Variants in PARD3 observed in about 807,000 individuals in gnomAD.
PARD3 encodes the protein par-3 family cell polarity regulator, also known as partitioning defective 3 homolog.
A neutral mutation model predicts 155.4 loss-of-function variants in PARD3; 75 were observed. The observed-to-expected ratio is 0.48, with a 90% confidence interval of 0.40 to 0.58. The LOEUF is 0.58. Among genes scored for constraint, PARD3 ranks in the 20% least tolerant of loss-of-function variants. PARD3 has a pLI of 0.00. For synonymous variants in PARD3, 576 were observed against 610.5 expected (o/e 0.94, Z 0.83); for missense variants, 1,642 against 1,721.7 (o/e 0.95, Z 0.82).
At chr10:34,243,339 T>C (rs557800005) in intron 22 of PARD3, among the ~76,000 whole-genome samples, 2 of 152,338 alleles carry the variant, frequency 1.3e-5, no homozygotes, top group South Asian at 4.1e-4. Flanking sequence ...ATATATTAAG[T>C]ACATTGCCCA....
chr10:34,652,841 C>A (rs1015355973), intron 2 of PARD3, among the ~76,000 whole-genome samples: 2 of 152,152 alleles, frequency 1.3e-5, no homozygotes, highest in African/African-American at 4.8e-5. Flanking sequence ...AAGGAGCTTA[C>A]ATATAAAGTT....
At chr10:34,306,918 G>A (rs1002733836) in intron 20 of PARD3, among the ~76,000 whole-genome samples, 8 of 151,370 alleles carry the variant, frequency 5.3e-5, no homozygotes, top group Admixed American at 4.6e-4. Flanking sequence ...ACGGAGTCTC[G>A]TTCTGTCCCC....
chr10:34,661,446 T>A (rs2093323974), intron 2 of PARD3, among the ~76,000 whole-genome samples: 1 of 152,130 alleles, frequency 6.6e-6, no homozygotes, highest in African/African-American at 2.4e-5. Context: ...TTCCCCAAAT[T>A]TGATGAAAGA....
chr10:34,256,461 G>A (rs900453174), intron 22 of PARD3, among the ~76,000 whole-genome samples: 2 of 152,226 alleles, frequency 1.3e-5, no homozygotes, highest in Admixed American at 1.3e-4. Context: ...TAAAACAAAG[G>A]TGATAAGGAA....
At chr10:34,708,896 A>G (rs745435770) in intron 1 of PARD3, among the ~76,000 whole-genome samples, 16 of 152,190 alleles carry the variant, frequency 1.1e-4, no homozygotes, top group Admixed American at 5.2e-4. Context: ...AATGATTCTT[A>G]ATTGTCCATG....
intron 5 of PARD3, among the ~76,000 whole-genome samples, chr10:34,409,162 C>T (rs898310026): frequency 6.6e-6 from 1 of 152,046 alleles, no homozygotes; most frequent in Non-Finnish European, 1.5e-5. Context: ...AAATGCCTCC[C>T]GTCTTGATAC....
rs866111748 is a variant in PARD3, at chr10:34,378,011, C to T, written c.1495G>A (p.Ala499Thr). 6.3e-7 allele frequency: 1 copy of T among 1,585,638 alleles called. No individual in the cohort carries two copies. Among genetic ancestry groups the T allele is most frequent in the Non-Finnish European group, 8.6e-7 (1 of 1,168,778 alleles). ...GCCTTAAGTCGGCCATCCTGAATGG[C>T]CGCCCCCCGGGGGAGAATGTTTTTC... ...YVKNILPRGA[A>T]IQDGRLKAGD... is the part of the protein sequence containing the mutation. The change falls in exon 10 of 25, where the codon GCC becomes ACC. Residue 499 changes from alanine to threonine, a missense_variant. Physicochemically the swap from Ala to Thr is moderately conservative, Grantham distance 58. Coordinates refer to ENST00000374788, the MANE Select transcript of PARD3 (RefSeq NM_001184785.2).
intron 16 of PARD3, among the ~76,000 whole-genome samples, chr10:34,339,244 C>T (rs1407021446): frequency 6.6e-6 from 1 of 152,064 alleles, no homozygotes; most frequent in Non-Finnish European, 1.5e-5. Context: ...CTTCAACTCC[C>T]TACTTGGGAG....
intron 2 of PARD3, among the ~76,000 whole-genome samples, chr10:34,626,316 C>T (rs1377463751): frequency 1.3e-5 from 2 of 152,208 alleles, no homozygotes; most frequent in East Asian, 3.8e-4. Flanking sequence ...TTTCAAGTCA[C>T]TCACTGTCCC....
intron 22 of PARD3, among the ~76,000 whole-genome samples, chr10:34,233,952 T>C (rs1953076736): frequency 6.6e-6 from 1 of 152,138 alleles, no homozygotes; most frequent in African/African-American, 2.4e-5. Context: ...AGTTACCCTG[T>C]GTTGCCTTTT....
intron 3 of PARD3, among the ~76,000 whole-genome samples, chr10:34,489,958 T>C (rs139242424): frequency 6.6e-6 from 1 of 152,186 alleles, no homozygotes; most frequent in African/African-American, 2.4e-5. Context: ...TAACAATAAT[T>C]AGTGGAGATA....
intron 1 of PARD3, among the ~76,000 whole-genome samples, chr10:34,775,193 T>C (rs1839385622): frequency 6.6e-6 from 1 of 152,216 alleles, no homozygotes; most frequent in African/African-American, 2.4e-5. Context: ...ACTCTAAATT[T>C]ATATACTACT....
chr10:34,573,312 C>A (rs1244038544), intron 2 of PARD3, among the ~76,000 whole-genome samples: 1 of 152,156 alleles, frequency 6.6e-6, no homozygotes, highest in Non-Finnish European at 1.5e-5. Flanking sequence ...ACCATGATCA[C>A]ACCACTGCAC....
At chr10:34,784,396 A>T (rs766727813) in intron 1 of PARD3, among the ~76,000 whole-genome samples, 1 of 152,108 alleles carries the variant, frequency 6.6e-6, no homozygotes, top group African/African-American at 2.4e-5. Context: ...TACTAACAAG[A>T]GTAGGGCAAA....
At chr10:34,465,291 G>GAGCCA (rs2077937894) in intron 4 of PARD3, among the ~76,000 whole-genome samples, 1 of 152,010 alleles carries the variant, frequency 6.6e-6, no homozygotes. Flanking sequence ...CCGTACATAT[G>GAGCCA]CAAAGAGCAA....
chr10:34,375,678 C>CTA (rs893004336), intron 10 of PARD3, among the ~76,000 whole-genome samples: 3 of 152,154 alleles, frequency 2.0e-5, no homozygotes, highest in African/African-American at 7.2e-5. Flanking sequence ...TCAGAAAGCA[C>CTA]TATATACTCC....
intron 1 of PARD3, among the ~76,000 whole-genome samples, chr10:34,733,579 G>A (rs989424049): frequency 2.0e-5 from 3 of 152,186 alleles, no homozygotes; most frequent in African/African-American, 7.2e-5. Context: ...CTCCTCCCGG[G>A]CTCAAGCAAT....
At chr10:34,798,991 C>T (rs897325198) in intron 1 of PARD3, among the ~76,000 whole-genome samples, 4 of 152,156 alleles carry the variant, frequency 2.6e-5, no homozygotes, top group Non-Finnish European at 4.4e-5. Context: ...GACCTCACCC[C>T]CTTGGTTTAT....
At chr10:34,339,066 A>T (rs566838659) in intron 16 of PARD3, among the ~76,000 whole-genome samples, 1 of 152,230 alleles carries the variant, frequency 6.6e-6, no homozygotes, top group African/African-American at 2.4e-5. Flanking sequence ...ACACACTTCT[A>T]AAAGTAAAAA....
Sources: gnomAD v4.1 joint callset for allele counts (sites outside exome capture counted in the v4.1 genomes callset) on GRCh38, gnomAD v4.1.1 for gene constraint, MANE v1.5 for transcripts, NCBI Gene and HGNC (gene_info 2026-07-23, HGNC 2026-07-21) for gene names.